Variants in KCNQ5 observed in about 807,000 individuals in gnomAD.
KCNQ5 encodes the protein potassium voltage-gated channel subfamily Q member 5, also known as potassium voltage-gated channel subfamily KQT member 5.
KCNQ5 carries 30 observed loss-of-function variants against 98.2 expected under a neutral mutation model. The observed-to-expected ratio is 0.31, with a 90% CI of 0.23 to 0.41. The LOEUF (loss-of-function observed/expected upper bound fraction) is 0.41, where lower values mean the gene tolerates loss of function less well. KCNQ5 is among the 10% of genes least tolerant of loss of function. The pLI, the probability that KCNQ5 is intolerant of heterozygous loss-of-function variation, is 1.00. For synonymous variants in KCNQ5, 458 were observed against 449.4 expected (o/e 1.02, Z -0.24); for missense variants, 835 against 1,182.5 (o/e 0.71, Z 4.31).
At chr6:72,773,708 A>G (rs1223403070) in intron 1 of KCNQ5, among the ~76,000 whole-genome samples, 2 of 152,140 alleles carry the variant, frequency 1.3e-5, no homozygotes, top group East Asian at 3.9e-4. Flanking sequence ...TTCATACCTG[A>G]AAACATATAT....
intron 3 of KCNQ5, among the ~76,000 whole-genome samples, chr6:73,074,674 GC>G (rs1476828630): frequency 4.5e-4 from 68 of 150,396 alleles, no homozygotes; most frequent in Admixed American, 3.4e-3. Flanking sequence ...TTTCTGCCTC[GC>G]TTTTTTCATC....
At chr6:73,073,465 ACCCC>A (rs1773382599) in intron 3 of KCNQ5, among the ~76,000 whole-genome samples, 1 of 152,004 alleles carries the variant, frequency 6.6e-6, no homozygotes, top group Non-Finnish European at 1.5e-5. Flanking sequence ...GCTCGTAGCA[ACCCC>A]CTTCCCAGCT....
intron 1 of KCNQ5, among the ~76,000 whole-genome samples, chr6:72,703,160 G>C (rs1768908955): frequency 6.6e-6 from 1 of 152,170 alleles, no homozygotes; most frequent in South Asian, 2.1e-4. Flanking sequence ...CAGAAGTGGT[G>C]GTTATTTGTC....
At chr6:73,077,659 AACATCCAAGAAGTAGTAAAG>A in intron 4 of KCNQ5, 83 bp from the exon 5 acceptor site, 2 of 1,300,144 alleles carry the variant, frequency 1.5e-6, no homozygotes, top group Non-Finnish European at 2.1e-6. Flanking sequence ...AGCCATCATA[AACATCCAAGAAGTAGTAAAG>A]TGAATAGAAT....
chr6:73,186,275 C>G (rs1239867797), intron 11 of KCNQ5, among the ~76,000 whole-genome samples: 4 of 152,006 alleles, frequency 2.6e-5, no homozygotes, highest in Non-Finnish European at 5.9e-5. Flanking sequence ...TTAAACATTC[C>G]CTCCACACTT....
At chr6:73,052,936 A>C (rs1436554712) in intron 3 of KCNQ5, among the ~76,000 whole-genome samples, 1 of 152,228 alleles carries the variant, frequency 6.6e-6, no homozygotes, top group African/African-American at 2.4e-5. Flanking sequence ...TGCCCAATTA[A>C]AAGGCACAGA....
chr6:73,144,698 T>C (rs1287303447), intron 10 of KCNQ5, among the ~76,000 whole-genome samples: 3 of 152,240 alleles, frequency 2.0e-5, no homozygotes, highest in Non-Finnish European at 4.4e-5. Flanking sequence ...TGGTCTTAAG[T>C]GAACTGACTC....
At chr6:73,187,668 A>G (rs1381268702) in intron 11 of KCNQ5, among the ~76,000 whole-genome samples, 1 of 152,240 alleles carries the variant, frequency 6.6e-6, no homozygotes, top group Non-Finnish European at 1.5e-5. Flanking sequence ...AAAGATAATC[A>G]GTTTCATTTT....
intron 1 of KCNQ5, among the ~76,000 whole-genome samples, chr6:72,638,238 T>C (rs1233008743): frequency 6.6e-6 from 1 of 152,212 alleles, no homozygotes; most frequent in Non-Finnish European, 1.5e-5. Flanking sequence ...CTCCAGTTAT[T>C]CCTCTGAAAT....
chr6:73,188,322 A>G (rs1240279337), intron 11 of KCNQ5, among the ~76,000 whole-genome samples: 1 of 152,384 alleles, frequency 6.6e-6, no homozygotes, highest in South Asian at 2.1e-4. Flanking sequence ...GTGCTATTGA[A>G]GACATACAAA....
chr6:72,905,542 T>C (rs1050734262), intron 1 of KCNQ5, among the ~76,000 whole-genome samples: 2 of 152,164 alleles, frequency 1.3e-5, no homozygotes, highest in African/African-American at 4.8e-5. Flanking sequence ...AAGGTTGTTG[T>C]TCTGATTATT....
At chr6:72,950,496 G>T (rs1413950694) in intron 1 of KCNQ5, among the ~76,000 whole-genome samples, 1 of 152,180 alleles carries the variant, frequency 6.6e-6, no homozygotes, top group Admixed American at 6.5e-5. Flanking sequence ...TAACCGTATG[G>T]TTTCCATGCA....
chr6:72,715,095 G>A (rs369772428), intron 1 of KCNQ5, among the ~76,000 whole-genome samples: 23 of 152,090 alleles, frequency 1.5e-4, no homozygotes, highest in African/African-American at 4.8e-4. Flanking sequence ...GACCAAAATT[G>A]GTGTTTAAAT....
chr6:73,024,395 A>AT (rs5877343), intron 2 of KCNQ5, among the ~76,000 whole-genome samples: 16 of 2,102 alleles, frequency 7.6e-3, no homozygotes, highest in East Asian at 0.043. Flanking sequence ...AGATAGATAG[A>AT]TAGATAGATA....
intron 1 of KCNQ5, among the ~76,000 whole-genome samples, chr6:72,825,008 A>G (rs1322575218): frequency 6.6e-6 from 1 of 151,968 alleles, no homozygotes; most frequent in Non-Finnish European, 1.5e-5. Context: ...TAATCTTCCC[A>G]TTTTGACACA....
At chr6:73,121,043 T>C (rs1775727127) in intron 8 of KCNQ5, among the ~76,000 whole-genome samples, 1 of 152,132 alleles carries the variant, frequency 6.6e-6, no homozygotes, top group Non-Finnish European at 1.5e-5. Context: ...AGCTTTTACT[T>C]GCAGATCAAA....
chr6:72,852,640 A>AATAAATATATATATAT (rs1026407821), intron 1 of KCNQ5, among the ~76,000 whole-genome samples: 1 of 56,802 alleles, frequency 1.8e-5, no homozygotes, highest in Non-Finnish European at 3.3e-5. Context: ...ATGAAGGGGA[A>AATAAATATATATATAT]ATATATATAT....
intron 1 of KCNQ5, among the ~76,000 whole-genome samples, chr6:72,831,879 AG>A (rs1776290477): frequency 6.6e-6 from 1 of 151,964 alleles, no homozygotes; most frequent in African/African-American, 2.4e-5. Context: ...GATTTCAGGG[AG>A]TATGTAAAGG....
chr6:72,805,524 CTATGTGTCTGTTTT>C (rs1230937496), intron 1 of KCNQ5, among the ~76,000 whole-genome samples: 1 of 152,018 alleles, frequency 6.6e-6, no homozygotes, highest in Non-Finnish European at 1.5e-5. Flanking sequence ...TTCCATTGAT[CTATGTGTCTGTTTT>C]TATGCCATTA....
Sources: allele counts gnomAD v4.1 joint callset (sites outside exome capture counted in the v4.1 genomes callset), GRCh38; gene constraint gnomAD v4.1.1; transcripts MANE v1.5; gene names NCBI Gene and HGNC (gene_info 2026-07-23, HGNC 2026-07-21).